Variants in CNTN4 observed in about 807,000 individuals in gnomAD.
The protein encoded by CNTN4 is contactin-4.
CNTN4 carries 77 observed loss-of-function variants against 122.5 expected under a neutral mutation model. The ratio of observed to expected loss-of-function variants is 0.63; its 90% CI spans 0.52 to 0.76. The LOEUF (loss-of-function observed/expected upper bound fraction) is 0.76. CNTN4 is among the 30% of genes least tolerant of loss of function. CNTN4 has a pLI of 0.00. For synonymous variants in CNTN4, 512 were observed against 447.0 expected, an observed-to-expected ratio of 1.15 and a Z score of -1.83; for missense variants, 1,256 against 1,259.1, an observed-to-expected ratio of 1.00 and a Z score of 0.04.
intron 2 of CNTN4, among the ~76,000 whole-genome samples, chr3:2,216,811 C>T (rs186613577): frequency 2.0e-5 from 3 of 152,232 alleles, no homozygotes; most frequent in Admixed American, 6.5e-5. Context: ...TCCATAGTTA[C>T]GGCCTCTTGA....
At chr3:3,054,046 C>G in intron 24 of CNTN4, 71 bp downstream of exon 24, 1 of 1,488,010 alleles carries the variant, frequency 6.7e-7, no homozygotes, top group Admixed American at 1.7e-5. Flanking sequence ...TGAGTCAGGG[C>G]TTGAAAGACA....
At chr3:2,930,398 C>A (rs920865022) in intron 13 of CNTN4, among the ~76,000 whole-genome samples, 1 of 152,138 alleles carries the variant, frequency 6.6e-6, no homozygotes, top group African/African-American at 2.4e-5. Flanking sequence ...CACTCCCTGC[C>A]AATGTTTATT....
At chr3:2,297,502 C>G (rs1386704372) in intron 2 of CNTN4, among the ~76,000 whole-genome samples, 1 of 152,118 alleles carries the variant, frequency 6.6e-6, no homozygotes, top group East Asian at 1.9e-4. Context: ...CTATGCTGAC[C>G]TGCCTATATA....
intron 3 of CNTN4, among the ~76,000 whole-genome samples, chr3:2,421,142 C>G (rs1423363620): frequency 6.6e-6 from 1 of 152,122 alleles, no homozygotes; most frequent in African/African-American, 2.4e-5. Flanking sequence ...CCAGTTTAGC[C>G]CTCCCCCATC....
chr3:2,552,473 T>G (rs1052265041), intron 3 of CNTN4, among the ~76,000 whole-genome samples: 2 of 152,146 alleles, frequency 1.3e-5, no homozygotes, highest in East Asian at 3.9e-4. Context: ...CATCATGTTG[T>G]GGGGGAAGCA....
intron 3 of CNTN4, among the ~76,000 whole-genome samples, chr3:2,445,222 T>C (rs2048580546): frequency 6.6e-6 from 1 of 152,116 alleles, no homozygotes. Context: ...GATAACCCGA[T>C]TAATCTCCCT....
At chr3:2,187,483 G>A (rs190761200) in intron 2 of CNTN4, among the ~76,000 whole-genome samples, 67 of 152,220 alleles carry the variant, frequency 4.4e-4, no homozygotes, top group African/African-American at 1.5e-3. Flanking sequence ...TCTGAAGCAC[G>A]CCTCTGCTAT....
intron 2 of CNTN4, among the ~76,000 whole-genome samples, chr3:2,240,643 A>G (rs1232209743): frequency 1.3e-5 from 2 of 152,116 alleles, no homozygotes; most frequent in South Asian, 2.1e-4. Flanking sequence ...CAACCTACAT[A>G]TGGAAGCTTA....
At chr3:2,287,244 G>GA (rs1164054403) in intron 2 of CNTN4, among the ~76,000 whole-genome samples, 3 of 152,210 alleles carry the variant, frequency 2.0e-5, no homozygotes, top group Non-Finnish European at 4.4e-5. Flanking sequence ...TACAATGCGT[G>GA]AAAAATATGC....
At chr3:2,381,192 G>A (rs1055474274) in intron 3 of CNTN4, among the ~76,000 whole-genome samples, 1 of 151,988 alleles carries the variant, frequency 6.6e-6, no homozygotes, top group Admixed American at 6.6e-5. Flanking sequence ...ATTTTTAGTA[G>A]AGATGGGGTT....
At chr3:2,301,580 A>G (rs2042525321) in intron 2 of CNTN4, among the ~76,000 whole-genome samples, 1 of 152,196 alleles carries the variant, frequency 6.6e-6, no homozygotes, top group African/African-American at 2.4e-5. Context: ...CAGCTTCACC[A>G]TATGTTTTAT....
At chr3:2,191,709 T>TACACACACAC (rs370552144) in intron 2 of CNTN4, among the ~76,000 whole-genome samples, 4 of 150,832 alleles carry the variant, frequency 2.7e-5, no homozygotes, top group African/African-American at 7.4e-5. Flanking sequence ...TATATATATA[T>TACACACACAC]ACACACACAC....
intron 9 of CNTN4, among the ~76,000 whole-genome samples, chr3:2,885,753 C>T (rs574696265): frequency 6.6e-6 from 1 of 152,288 alleles, no homozygotes; most frequent in Admixed American, 6.5e-5. Context: ...CTGGCTGATT[C>T]TTTTGCTTTT....
intron 4 of CNTN4, among the ~76,000 whole-genome samples, chr3:2,686,718 G>GGA (rs1459224226): frequency 1.3e-5 from 2 of 152,112 alleles, no homozygotes; most frequent in African/African-American, 4.8e-5. Context: ...TTTCACTAAA[G>GGA]CTGTAGTACC....
chr3:2,373,957 TG>T (rs1329915195), intron 3 of CNTN4, among the ~76,000 whole-genome samples: 1 of 152,184 alleles, frequency 6.6e-6, no homozygotes. Context: ...TCATCTTTTT[TG>T]GGGGGTTCCT....
chr3:2,327,778 A>G (rs2043522406), intron 2 of CNTN4, among the ~76,000 whole-genome samples: 1 of 152,188 alleles, frequency 6.6e-6, no homozygotes. Flanking sequence ...AACCTCCCCT[A>G]TTCTGGAGTT....
chr3:2,436,075 A>G (rs191716260), intron 3 of CNTN4, among the ~76,000 whole-genome samples: 1 of 152,322 alleles, frequency 6.6e-6, no homozygotes, highest in East Asian at 1.9e-4. Flanking sequence ...AATTGAATTG[A>G]ATTGCTTTGA....
At chr3:2,503,778 A>G (rs528883379) in intron 3 of CNTN4, among the ~76,000 whole-genome samples, 6 of 152,210 alleles carry the variant, frequency 3.9e-5, no homozygotes, top group South Asian at 2.1e-4. Context: ...AATAGCATGG[A>G]TTTTTCAAGG....
In CNTN4 at chr3:2,496,872, C is replaced by T. The variant is rs2076467130; in HGVS notation, c.-88-74544C>T. On this transcript the variant is annotated intron_variant, in intron 3 of 24. Coordinates refer to ENST00000418658, the MANE Select transcript of CNTN4 (RefSeq NM_175607.3). Reference sequence around the variant, plus strand: ...TCTCACAATTATGGAGACTGAAGGCCTAAGAACTGGGGACTTCTCATAGAA... The same window carrying T: ...TCTCACAATTATGGAGACTGAAGGCTTAAGAACTGGGGACTTCTCATAGAA... Among the ~76,000 whole-genome samples, 3 of 152,126 alleles carry T rather than the reference C, an allele frequency of 2.0e-5. No individual in the cohort carries two copies. The South Asian group carries it at 6.2e-4, about 31-fold the overall frequency.
Sources: gnomAD v4.1 joint callset for allele counts (sites outside exome capture counted in the v4.1 genomes callset) on GRCh38, gnomAD v4.1.1 for gene constraint, MANE v1.5 for transcripts, NCBI Gene and HGNC (gene_info 2026-07-23, HGNC 2026-07-21) for gene names.